The following GCAT variants were observed in gnomAD, a reference collection of about 807,000 sequenced individuals.
The protein encoded by GCAT is 2-amino-3-ketobutyrate coenzyme A ligase, mitochondrial.
Under a neutral mutation model 39.7 loss-of-function variants are expected in GCAT, and 26 were observed. The observed-to-expected ratio is 0.65, with a 90% CI of 0.48 to 0.91. GCAT has a LOEUF of 0.91. GCAT is among the 40% of genes least tolerant of loss of function. The pLI is 0.00. For synonymous variants in GCAT, 218 were observed against 237.2 expected, an observed-to-expected ratio of 0.92 and a Z score of 0.74; for missense variants, 550 against 576.2, an observed-to-expected ratio of 0.95 and a Z score of 0.47.
At chr22:37,810,523 T>TC (rs1159388767) in intron 2 of GCAT, among the ~76,000 whole-genome samples, 4 of 145,966 alleles carry the variant, frequency 2.7e-5, no homozygotes, top group African/African-American at 1.0e-4. Flanking sequence ...TTTTTTTTTT[T>TC]TTTTTTTTTT....
intron 3 of GCAT, 32 bp from the exon 4 acceptor site, chr22:37,813,431 A>G: frequency 6.4e-7 from 1 of 1,569,838 alleles, no homozygotes; most frequent in Non-Finnish European, 8.6e-7. Context: ...GGGTGGTTAA[A>G]TGATGGCTCT....
chr22:37,815,923 T>C (rs1601704251), intron 7 of GCAT, 89 bp downstream of exon 7: 2 of 1,485,328 alleles, frequency 1.3e-6, no homozygotes, highest in East Asian at 4.5e-5. Context: ...GACAGCTCTG[T>C]GCCCACCGGG....
At chr22:37,812,536 T>TA (rs1413911521) in intron 2 of GCAT, among the ~76,000 whole-genome samples, 4 of 152,130 alleles carry the variant, frequency 2.6e-5, no homozygotes, top group Non-Finnish European at 5.9e-5. Context: ...AACCCAGAAT[T>TA]ACCTCTGTGA....
chr22:37,808,740 G>A lies in GCAT; in HGVS notation c.196+577G>A, dbSNP rs1238221858. ...CTTGCTCTGTCGCCCAGGCTGGAGT[G>A]CAGTGGCGAGATCTCGGTTCACTGC... On this transcript the variant is annotated intron_variant, in intron 1 of 8. Coordinates refer to ENST00000248924, the MANE Select transcript of GCAT (RefSeq NM_014291.4). Among the ~76,000 whole-genome samples, 32 of 152,000 alleles carry A rather than the reference G, an allele frequency of 2.1e-4. 1 individual carries two copies. The highest frequency in any genetic ancestry group is 2.1e-3 in the Admixed American group (32 of 15,250).
At chr22:37,810,245 C>A in intron 2 of GCAT, 88 bp downstream of exon 2, 1 of 949,862 alleles carries the variant, frequency 1.1e-6, no homozygotes, top group Non-Finnish European at 1.7e-6. Context: ...CAGCTCAGCT[C>A]AGCCACAGCC....
At position 37,810,074 on chromosome 22, in the gene GCAT, C is replaced by T. The variant is rs34003565; in HGVS notation, c.244C>T (p.Pro82Ser). The T allele has an allele frequency of 5.5e-4, 889 of 1,614,168 alleles. No homozygotes were observed. The highest frequency in any genetic ancestry group is 7.1e-4 in the Non-Finnish European group (840 of 1,179,972). ...CAACTACCTGGGCCTGAGCAGCCAC[C>T]CTGAGGTGATCCAGGCAGGTCTGCA... is the stretch of plus-strand genomic sequence containing the variant. Reference protein sequence around the residue: ...ANNYLGLSSHPEVIQAGLQAL... With the variant: ...ANNYLGLSSHSEVIQAGLQAL... Residue 82 changes from proline to serine, a missense_variant, in exon 2 of 9, where the codon CCT becomes TCT. Transcript: ENST00000248924.
At chr22:37,816,110 T>A in intron 7 of GCAT, 90 bp from the exon 8 acceptor site, 1 of 1,474,426 alleles carries the variant, frequency 6.8e-7, no homozygotes, top group South Asian at 1.3e-5. Context: ...TCTTGCAGAC[T>A]TGGGCATAGA....
At position 37,816,889 on chromosome 22, in the gene GCAT, T is replaced by G; in HGVS notation, c.*171T>G. The G allele has an allele frequency of 1.6e-6, 1 of 637,690 alleles. No individual in the cohort carries two copies. The highest frequency in any genetic ancestry group is 2.7e-6 in the Non-Finnish European group (1 of 370,112). The allele number at this position is 637,690 out of a possible 1,614,324, so 39.5% of individuals were successfully genotyped here. On this transcript the variant is annotated 3_prime_UTR_variant, in exon 9 of 9. Coordinates refer to ENST00000248924, the MANE Select transcript of GCAT (RefSeq NM_014291.4). Reference sequence around the variant, plus strand: ...GAATGTGAAACAACAGTGTGAAAATTGGCTGTGACACTCTGGTCTGCTTTA... The same window carrying G: ...GAATGTGAAACAACAGTGTGAAAATGGGCTGTGACACTCTGGTCTGCTTTA...
chr22:37,809,974 C>G, intron 1 of GCAT, 53 bp from the exon 2 acceptor site: 2 of 1,603,212 alleles, frequency 1.2e-6, no homozygotes, highest in Middle Eastern at 1.7e-4. Context: ...TCTTTCCAGG[C>G]CTGCCCTTGC....
At chr22:37,809,676 T>A (rs1921352262) in intron 1 of GCAT, among the ~76,000 whole-genome samples, 1 of 151,918 alleles carries the variant, frequency 6.6e-6, no homozygotes, top group Admixed American at 6.6e-5. Flanking sequence ...AAAAATTTAA[T>A]CGGGCATGGT....
At chr22:37,808,271 C>T (rs932292862) in intron 1 of GCAT, 108 bp downstream of exon 1, 9 of 848,016 alleles carry the variant, frequency 1.1e-5, no homozygotes, top group Admixed American at 7.7e-5. Context: ...CTACTGTTCC[C>T]CTTCGCATCT....
intron 2 of GCAT, among the ~76,000 whole-genome samples, chr22:37,810,851 A>G (rs1298466151): frequency 6.6e-6 from 1 of 152,058 alleles, no homozygotes; most frequent in Admixed American, 6.5e-5. Flanking sequence ...GGGTTTCACC[A>G]TGTTGGCCAG....
intron 6 of GCAT, 22 bp from the exon 7 acceptor site, chr22:37,815,641 C>T: frequency 5.7e-6 from 9 of 1,579,484 alleles, no homozygotes; most frequent in Non-Finnish European, 7.0e-6. Context: ...ACCCCTCCCC[C>T]CACCTCTTCC....
rs748297116 is a variant in GCAT, at chr22:37,816,660, T to C, written c.1202T>C (p.Ile401Thr). 6.2e-7 allele frequency: 1 copy of C among 1,614,102 alleles called. No homozygotes were observed. Among genetic ancestry groups the C allele is most frequent in the South Asian group, 1.1e-5 (1 of 91,084 alleles). ...QISAVHSEED[I>T]DRCVEAFVEV... ...TCAGCAGTGCATAGCGAGGAAGACA[T>C]TGACCGCTGCGTGGAGGCCTTCGTG... The change falls in exon 9 of 9, where the codon ATT becomes ACT. Residue 401 changes from isoleucine to threonine, a missense_variant. Ile to Thr is a moderately conservative substitution (Grantham distance 89, BLOSUM62 -1). Coordinates refer to ENST00000248924, the MANE Select transcript of GCAT (RefSeq NM_014291.4).
chr22:37,813,266 C>G, intron 3 of GCAT, 197 bp from the exon 4 acceptor site: 1 of 717,916 alleles, frequency 1.4e-6, no homozygotes, highest in Non-Finnish European at 2.6e-6. Flanking sequence ...ATTCTCACCT[C>G]CTCTTACTAG....
rs759918697 is a variant in GCAT, at chr22:37,813,612, G to A, written c.576+3G>A. 6 of 1,601,232 alleles carry A rather than the reference G, an allele frequency of 3.7e-6. No individual in the cohort carries two copies. The South Asian group carries it at 4.5e-5, about 12-fold the overall frequency. On this transcript the variant is annotated splice_donor_region_variant and intron_variant, in intron 4 of 8. Transcript: ENST00000248924. ...AAGCCAAGCTGCAGGAGGCCCAGGT[G>A]GGGCGACGCCTGGGTCCACCCTCAG...
intron 2 of GCAT, 34 bp downstream of exon 2, chr22:37,810,191 G>A (rs774198586): frequency 2.1e-6 from 3 of 1,460,580 alleles, no homozygotes; most frequent in Admixed American, 3.3e-5. Context: ...TGTGGGGACT[G>A]ACCCCAGCTG....
chr22:37,815,389 A>G (rs1601702634), intron 5 of GCAT, 29 bp from the exon 6 acceptor site: 3 of 1,602,900 alleles, frequency 1.9e-6, no homozygotes, highest in Admixed American at 1.7e-5. Context: ...TCAGGAGGCC[A>G]GTGACAGCAG....
chr22:37,808,991 C>T (rs1358617853), intron 1 of GCAT, among the ~76,000 whole-genome samples: 1 of 152,218 alleles, frequency 6.6e-6, no homozygotes, highest in African/African-American at 2.4e-5. Flanking sequence ...CCAGCCCTCC[C>T]TCATTTCACT....
Sources: allele counts gnomAD v4.1 joint callset (sites outside exome capture counted in the v4.1 genomes callset), GRCh38; gene constraint gnomAD v4.1.1; transcripts MANE v1.5; gene names NCBI Gene and HGNC (gene_info 2026-07-23, HGNC 2026-07-21).